Variants in MYLK4 observed in about 807,000 individuals in gnomAD.
MYLK4 encodes caMLCK like.
A neutral mutation model predicts 48.1 loss-of-function variants in MYLK4; 46 were observed. The ratio of observed to expected loss-of-function variants is 0.96; its 90% confidence interval spans 0.75 to 1.22. The LOEUF is 1.22. Among genes scored for constraint, MYLK4 ranks in the 50% most tolerant of loss-of-function variants. MYLK4 has a pLI of 0.00. For missense variants in MYLK4, 451 were observed against 486.1 expected (o/e 0.93, Z 0.68); for synonymous variants, 170 against 180.8 (o/e 0.94, Z 0.48).
intron 2 of MYLK4, among the ~76,000 whole-genome samples, chr6:2,717,332 A>G (rs895120875): frequency 1.2e-3 from 3 of 2,474 alleles, no homozygotes; most frequent in African/African-American, 1.4e-3. Context: ...GAGCTAGTAT[A>G]AAAAATGAAA....
intron 2 of MYLK4, among the ~76,000 whole-genome samples, chr6:2,702,845 C>T (rs796503617): frequency 6.6e-5 from 10 of 152,206 alleles, no homozygotes; most frequent in African/African-American, 1.9e-4. Context: ...TCCAACACCC[C>T]CGATCGGTCT....
chr6:2,770,060 A>T, the MYLK4 span: 1 of 1,604,312 alleles, frequency 6.2e-7, no homozygotes, highest in South Asian at 1.1e-5. Flanking sequence ...CAACTTACAT[A>T]GGATTCTGCA....
intron 3 of MYLK4, among the ~76,000 whole-genome samples, chr6:2,689,464 T>C (rs1761690726): frequency 1.3e-5 from 2 of 152,236 alleles, no homozygotes; most frequent in African/African-American, 2.4e-5. Flanking sequence ...TTAAGACACA[T>C]TTAAGGCACA....
chr6:2,732,796 T>G (rs1763523098), intron 2 of MYLK4, among the ~76,000 whole-genome samples: 1 of 152,334 alleles, frequency 6.6e-6, no homozygotes, highest in African/African-American at 2.4e-5. Context: ...CTGTGCTTTG[T>G]TTCTGCTGGG....
intron 2 of MYLK4, among the ~76,000 whole-genome samples, chr6:2,742,555 C>A (rs1315412387): frequency 6.6e-6 from 1 of 151,308 alleles, no homozygotes; most frequent in African/African-American, 2.4e-5. Flanking sequence ...ATGATGAGTT[C>A]ATGTCCTTTG....
At chr6:2,765,794 G>A in the MYLK4 span, 1 of 1,415,028 alleles carries the variant, frequency 7.1e-7, no homozygotes, top group Non-Finnish European at 9.2e-7. Flanking sequence ...GCACCGCGCC[G>A]GGGAGCGGGC....
the MYLK4 span, among the ~76,000 whole-genome samples, chr6:2,769,110 C>T: frequency 1.4e-4 from 21 of 152,254 alleles, no homozygotes; most frequent in African/African-American, 5.1e-4. Flanking sequence ...TATCCCTGAG[C>T]TATACGTATC....
chr6:2,761,613 C>T, the MYLK4 span, among the ~76,000 whole-genome samples: 1 of 152,146 alleles, frequency 6.6e-6, no homozygotes, highest in African/African-American at 2.4e-5. Flanking sequence ...CATGACAGAC[C>T]GTGAGGTAGG....
In MYLK4 at chr6:2,673,796, C is replaced by T. The variant is rs113618806; in HGVS notation, c.1119+1251G>A. On this transcript the variant is annotated intron_variant, in intron 11 of 12. Coordinates refer to ENST00000274643, the MANE Select transcript of MYLK4 (RefSeq NM_001012418.5). The surrounding 1 kb of genome is among the most constrained non-coding windows in gnomAD (Gnocchi z 4.2). Reference sequence around the variant, plus strand: ...GAAGCCAGTTAGGAGGCTGCAGTCACTCAGGGGAGGCATGTCCCAGGCCAC... The same window carrying T: ...GAAGCCAGTTAGGAGGCTGCAGTCATTCAGGGGAGGCATGTCCCAGGCCAC... 5.9e-5 allele frequency among the ~76,000 whole-genome samples: 9 copies of T among 152,170 alleles called. No individual in the cohort carries two copies. Among genetic ancestry groups the T allele is most frequent in the African/African-American group, 2.2e-4 (9 of 41,440 alleles).
At position 2,672,869 on chromosome 6, in the gene MYLK4, C is replaced by G. The variant is rs1255300772; in HGVS notation, c.1120-1521G>C. On this transcript the variant is annotated intron_variant, in intron 11 of 12. Transcript: ENST00000274643. This position sits in a 1 kb window ranked among gnomAD's most constrained non-coding sequence, Gnocchi z 4.3. ...TCCTGAGTGTTCTCAGCTACAGACA[C>G]TAATGTGCCCATTTTGTGCGTTGCT... Among the ~76,000 whole-genome samples the G allele has an allele frequency of 3.9e-5, 6 of 152,150 alleles. No individual in the cohort carries two copies. The highest frequency in any genetic ancestry group is 8.8e-5 in the Non-Finnish European group (6 of 68,038).
rs142714179 is a variant in MYLK4 at position 2,665,928 on chromosome 6, TGTG to T, written c.*1994_*1996del. 0.36 allele frequency: 54,608 copies of T among 151,210 alleles called. 9,943 individuals carry two copies. The highest frequency in any genetic ancestry group is 0.4 in the Non-Finnish European group (26,826 of 67,660). The allele number at this position is 151,210 out of a possible 1,614,324, so 9.4% of individuals were successfully genotyped here. On this transcript the variant is annotated 3_prime_UTR_variant, in exon 13 of 13. Coordinates refer to ENST00000274643, the MANE Select transcript of MYLK4 (RefSeq NM_001012418.5). Reference sequence around the variant, plus strand: ...ACAGGGTTTTGTGTGTGTGTGTGTGTGTGGTGTGTGTGTTTTAAGCAAACTAAA... The same window carrying T: ...ACAGGGTTTTGTGTGTGTGTGTGTGTGTGTGTGTGTTTTAAGCAAACTAAA...
the MYLK4 span, chr6:2,766,202 G>C: frequency 7.0e-7 from 1 of 1,438,702 alleles, no homozygotes; most frequent in East Asian, 2.9e-5. Context: ...CGCGGACGCT[G>C]CCGAAGCCGC....
At chr6:2,763,823 C>T in the MYLK4 span, among the ~76,000 whole-genome samples, 29 of 151,470 alleles carry the variant, frequency 1.9e-4, no homozygotes, top group South Asian at 6.3e-4. Flanking sequence ...AGAATGCTGT[C>T]ACCTCTCACT....
chr6:2,762,646 T>G, the MYLK4 span, among the ~76,000 whole-genome samples: 295 of 152,388 alleles, frequency 1.9e-3, 1 homozygote, highest in African/African-American at 6.7e-3. Context: ...AATCCTTATG[T>G]GCTCGCAGTC....
the MYLK4 span, among the ~76,000 whole-genome samples, chr6:2,763,351 G>A: frequency 6.6e-6 from 1 of 152,250 alleles, no homozygotes; most frequent in Admixed American, 6.5e-5. Flanking sequence ...GCTCAGCTCT[G>A]GGGTGGTGAA....
chr6:2,753,753 G>C (rs984213129), upstream of MYLK4, among the ~76,000 whole-genome samples: 2 of 151,900 alleles, frequency 1.3e-5, no homozygotes, highest in Non-Finnish European at 2.9e-5. Context: ...TATAAAAATG[G>C]TTAATAAGCA....
At chr6:2,732,898 C>A (rs1022477900) in intron 2 of MYLK4, among the ~76,000 whole-genome samples, 5 of 152,158 alleles carry the variant, frequency 3.3e-5, no homozygotes, top group African/African-American at 4.8e-5. Flanking sequence ...CTTCCTTGAC[C>A]CTCTGTCCCC....
chr6:2,752,764 T>C (rs1004064854), upstream of MYLK4, among the ~76,000 whole-genome samples: 3 of 152,204 alleles, frequency 2.0e-5, no homozygotes, highest in Non-Finnish European at 2.9e-5. Flanking sequence ...ATTCAATACA[T>C]ATTTGATTAA....
At chr6:2,766,508 G>A in the MYLK4 span, 1 of 1,439,582 alleles carries the variant, frequency 6.9e-7, no homozygotes, top group Non-Finnish European at 9.2e-7. Context: ...GCTGATGGTC[G>A]GAGAGCCGGG....
Sources: gnomAD v4.1 joint callset for allele counts (sites outside exome capture counted in the v4.1 genomes callset) on GRCh38, gnomAD v4.1.1 for gene constraint, Gnocchi (gnomAD v3.1) non-coding constraint, MANE v1.5 for transcripts, NCBI Gene and HGNC (gene_info 2026-07-23, HGNC 2026-07-21) for gene names.